Variants in CACNB2 observed in about 807,000 individuals in gnomAD.
CACNB2 encodes the protein voltage-dependent L-type calcium channel subunit beta-2.
In CACNB2, 42 loss-of-function variants were observed where a neutral mutation model predicts 73.3. The ratio of observed to expected loss-of-function variants is 0.57; its 90% confidence interval spans 0.45 to 0.74. The LOEUF (loss-of-function observed/expected upper bound fraction) is 0.74, where lower values mean the gene tolerates loss of function less well. Among genes scored for constraint, CACNB2 ranks in the 30% least tolerant of loss-of-function variants. CACNB2 has a pLI of 0.00. For missense variants in CACNB2, 940 were observed against 853.0 expected, an observed-to-expected ratio of 1.10 and a Z score of -1.27; for synonymous variants, 348 against 310.3, an observed-to-expected ratio of 1.12 and a Z score of -1.28.
At chr10:18,462,844 C>T (rs1306641607) in intron 3 of CACNB2, among the ~76,000 whole-genome samples, 2 of 152,024 alleles carry the variant, frequency 1.3e-5, no homozygotes, top group Non-Finnish European at 2.9e-5. Flanking sequence ...CTGCAACCTC[C>T]ACCTCCCAGG....
chr10:18,443,019 T>C (rs1352953213), intron 3 of CACNB2, among the ~76,000 whole-genome samples: 2,870 of 74,306 alleles, frequency 0.039, 416 homozygotes, highest in African/African-American at 0.11. Context: ...TATATGTATA[T>C]ATATATATAT....
intron 2 of CACNB2, among the ~76,000 whole-genome samples, chr10:18,329,020 A>G (rs1369522772): frequency 6.6e-6 from 1 of 152,210 alleles, no homozygotes; most frequent in Non-Finnish European, 1.5e-5. Context: ...CACAAGAGGC[A>G]TATGCATAGT....
chr10:18,199,514 G>A (rs1349262279), intron 2 of CACNB2, among the ~76,000 whole-genome samples: 3 of 152,096 alleles, frequency 2.0e-5, no homozygotes, highest in Admixed American at 1.3e-4. Context: ...GTCTTGCTTA[G>A]TAGGCTTGAG....
chr10:18,230,056 T>A (rs1348118183), intron 2 of CACNB2, among the ~76,000 whole-genome samples: 1 of 152,222 alleles, frequency 6.6e-6, no homozygotes, highest in Non-Finnish European at 1.5e-5. Flanking sequence ...CAATTCTTAG[T>A]TCACTGATTG....
chr10:18,411,700 G>A (rs2044639305), intron 3 of CACNB2, among the ~76,000 whole-genome samples: 1 of 152,046 alleles, frequency 6.6e-6, no homozygotes, highest in East Asian at 1.9e-4. Flanking sequence ...TAGAGATGGG[G>A]TTTTACCATG....
At chr10:18,167,649 G>A (rs953433334) in intron 2 of CACNB2, among the ~76,000 whole-genome samples, 2 of 151,984 alleles carry the variant, frequency 1.3e-5, no homozygotes, top group African/African-American at 4.8e-5. Flanking sequence ...CTGCATGATC[G>A]GGGGAAGTTT....
chr10:18,313,989 C>T (rs1453543463), intron 2 of CACNB2, among the ~76,000 whole-genome samples: 3 of 152,236 alleles, frequency 2.0e-5, no homozygotes, highest in African/African-American at 7.2e-5. Flanking sequence ...CTAAAGGCTT[C>T]TGGACAGTCA....
intron 2 of CACNB2, among the ~76,000 whole-genome samples, chr10:18,391,203 A>C (rs529185831): frequency 6.6e-6 from 1 of 152,148 alleles, no homozygotes; most frequent in Non-Finnish European, 1.5e-5. Flanking sequence ...GTTTGTGATA[A>C]AACACTGGGG....
intron 2 of CACNB2, among the ~76,000 whole-genome samples, chr10:18,303,401 G>T (rs1214235393): frequency 1.3e-5 from 2 of 152,010 alleles, no homozygotes. Flanking sequence ...GCCGCTCAGG[G>T]GGCTGAGATA....
rs200693655 is a variant in CACNB2, at chr10:18,246,405, T to TA, written c.213+95439dup. Among the ~76,000 whole-genome samples, 855 of 151,246 alleles carry TA rather than the reference T, an allele frequency of 5.7e-3. 16 individuals carry two copies. The highest frequency in any genetic ancestry group is 0.014 in the East Asian group (71 of 5,148). On this transcript the variant is annotated intron_variant, in intron 2 of 13. Coordinates refer to ENST00000324631, the MANE Select transcript of CACNB2 (RefSeq NM_201596.3). ...AAGGCTCCTAGTTCTCTCTTTCTTT[T>TA]AAAAAAAAACATTTTTACAATGTCT...
chr10:18,166,674 A>G (rs1429119226), intron 2 of CACNB2, among the ~76,000 whole-genome samples: 1 of 152,228 alleles, frequency 6.6e-6, no homozygotes, highest in South Asian at 2.1e-4. Flanking sequence ...GAGAGTAAAA[A>G]CCACTGAGGG....
At chr10:18,228,148 C>T (rs943578602) in intron 2 of CACNB2, among the ~76,000 whole-genome samples, 6 of 151,990 alleles carry the variant, frequency 3.9e-5, no homozygotes, top group Non-Finnish European at 7.4e-5. Context: ...ATAGGCCGGA[C>T]GCGGTGACTC....
chr10:18,319,620 A>T (rs1371462656), intron 2 of CACNB2, among the ~76,000 whole-genome samples: 1 of 152,126 alleles, frequency 6.6e-6, no homozygotes, highest in Non-Finnish European at 1.5e-5. Context: ...TTTAAAAAAT[A>T]ATATAAATAA....
chr10:18,514,922 TA>T (rs906445455), intron 7 of CACNB2: 23,430 of 878,890 alleles, frequency 0.027, no homozygotes, highest in Non-Finnish European at 0.03. Context: ...TAGCTTGTAC[TA>T]AAAAAAAAAG....
intron 2 of CACNB2, among the ~76,000 whole-genome samples, chr10:18,227,569 A>G (rs149515196): frequency 2.3e-3 from 352 of 152,320 alleles, no homozygotes; most frequent in African/African-American, 8.2e-3. Context: ...TCAAAGAGAC[A>G]GTTTGTTGGA....
chr10:18,405,694 A>G (rs2044250273), intron 3 of CACNB2, among the ~76,000 whole-genome samples: 1 of 152,218 alleles, frequency 6.6e-6, no homozygotes, highest in African/African-American at 2.4e-5. Flanking sequence ...ACAATGGCTC[A>G]TGCCTGTAAT....
intron 9 of CACNB2, among the ~76,000 whole-genome samples, chr10:18,524,284 T>C (rs568296516): frequency 2.2e-4 from 33 of 152,110 alleles, no homozygotes; most frequent in Non-Finnish European, 4.1e-4. Flanking sequence ...CCCTGAAGTG[T>C]TTGGAATGCA....
intron 2 of CACNB2, among the ~76,000 whole-genome samples, chr10:18,295,668 G>A (rs1297649027): frequency 6.6e-6 from 1 of 152,166 alleles, no homozygotes; most frequent in East Asian, 1.9e-4. Flanking sequence ...GAGTGACTTA[G>A]GTTCACATAA....
At chr10:18,405,914 C>T (rs1024470681) in intron 3 of CACNB2, among the ~76,000 whole-genome samples, 2 of 152,044 alleles carry the variant, frequency 1.3e-5, no homozygotes, top group African/African-American at 4.8e-5. Flanking sequence ...GCTGAGATCT[C>T]TTGCTCTCAC....
Sources: gnomAD v4.1 joint callset for allele counts (sites outside exome capture counted in the v4.1 genomes callset) on GRCh38, gnomAD v4.1.1 for gene constraint, MANE v1.5 for transcripts, NCBI Gene and HGNC (gene_info 2026-07-23, HGNC 2026-07-21) for gene names.